Variants in LAMA1 observed in about 807,000 individuals in gnomAD.
The protein encoded by LAMA1 is laminin subunit alpha 1, also known as laminin subunit alpha-1.
Under a neutral mutation model 348.7 loss-of-function variants are expected in LAMA1, and 219 were observed. That is an observed-to-expected ratio of 0.63 (90% CI 0.56 to 0.70). LAMA1 has a LOEUF of 0.70. Among genes scored for constraint, LAMA1 ranks in the 30% least tolerant of loss-of-function variants. The pLI, the probability that LAMA1 is intolerant of heterozygous loss-of-function variation, is 0.00. For synonymous variants in LAMA1, 1,487 were observed against 1,491.0 expected, an observed-to-expected ratio of 1.00 and a Z score of 0.06; for missense variants, 3,744 against 3,888.0, an observed-to-expected ratio of 0.96 and a Z score of 0.99.
chr18:7,018,467 C>A (rs2057899757), intron 19 of LAMA1, among the ~76,000 whole-genome samples: 1 of 148,192 alleles, frequency 6.7e-6, no homozygotes, highest in South Asian at 2.2e-4. Context: ...GTGATCTCAG[C>A]TCACTGCAAG....
intron 14 of LAMA1, 67 bp from the exon 15 acceptor site, chr18:7,033,162 G>A: frequency 8.6e-7 from 1 of 1,167,736 alleles, no homozygotes; most frequent in Non-Finnish European, 1.2e-6. Context: ...CAATGAAGAT[G>A]GGCTCCTAAA....
intron 7 of LAMA1, 31 bp downstream of exon 7, chr18:7,044,691 G>GTACTGACCTTCAGATTCTAA: frequency 1.3e-6 from 2 of 1,535,056 alleles, no homozygotes; most frequent in South Asian, 2.2e-5. Context: ...GAGGAAAACT[G>GTACTGACCTTCAGATTCTAA]TACTGACCTT....
At chr18:7,057,687 C>T (rs2058087575) in intron 3 of LAMA1, among the ~76,000 whole-genome samples, 1 of 151,760 alleles carries the variant, frequency 6.6e-6, no homozygotes, top group South Asian at 2.1e-4. Context: ...CTATATTGCC[C>T]AGGCTGGTCT....
chr18:6,954,750 G>GACAC, intron 57 of LAMA1: 2 of 134,778 alleles, frequency 1.5e-5, no homozygotes, highest in South Asian at 1.8e-4. Flanking sequence ...ATGACAGGGT[G>GACAC]GCACAGCCAA....
chr18:7,002,201 T>G (rs944576296), intron 30 of LAMA1, 63 bp downstream of exon 30: 51 of 1,596,300 alleles, frequency 3.2e-5, no homozygotes, highest in Non-Finnish European at 3.9e-5. Flanking sequence ...CCCTTGAAAA[T>G]GAGGCTGAAC....
At chr18:6,978,406 A>G (rs752742834) in intron 42 of LAMA1, 28 bp from the exon 43 acceptor site, 17 of 1,585,206 alleles carry the variant, frequency 1.1e-5, no homozygotes, top group Admixed American at 5.0e-5. Flanking sequence ...AAAAGCATGC[A>G]CTTCTGGTGC....
intron 30 of LAMA1, among the ~76,000 whole-genome samples, chr18:7,001,177 T>C (rs1188534835): frequency 6.6e-6 from 1 of 152,210 alleles, no homozygotes; most frequent in Non-Finnish European, 1.5e-5. Flanking sequence ...CATATTCAAT[T>C]ACATACTTCA....
chr18:6,979,496 G>A (rs1305490288), intron 42 of LAMA1, among the ~76,000 whole-genome samples: 1 of 151,866 alleles, frequency 6.6e-6, no homozygotes, highest in African/African-American at 2.4e-5. Flanking sequence ...AGCAAGACAC[G>A]GTCTCTATAA....
intron 36 of LAMA1, among the ~76,000 whole-genome samples, chr18:6,988,958 G>A (rs988776083): frequency 6.6e-6 from 1 of 152,174 alleles, no homozygotes; most frequent in African/African-American, 2.4e-5. Context: ...TGAAAGGCCT[G>A]CTGGCGAGGT....
chr18:7,044,782 G>A lies in LAMA1; in HGVS notation c.916C>T (p.Pro306Ser). Residue 306 changes from proline to serine, a missense_variant, in exon 7 of 63, where the codon CCT becomes TCT. Pro to Ser is a moderately conservative substitution (Grantham distance 74, BLOSUM62 -1). Transcript: ENST00000389658. ...CTCCAGGGCTGCTGATGGTACCCAG[G>A]ACAGCACCTGTTACAGCTCTCCCCG... ...TCGESCNRCC[P>S]GYHQQPWRPG... 6.2e-7 allele frequency: 1 copy of A among 1,614,162 alleles called. No homozygotes were observed.
rs139912268 is a variant in LAMA1, at chr18:7,115,597, G to C, written c.61+2063C>G. On this transcript the variant is annotated intron_variant, in intron 1 of 62. Transcript: ENST00000389658. Reference sequence around the variant, plus strand: ...CAACTAACTAGCAGGTGATTTGCAGGTCAGGATTATTGACCAAAACACACA... The same window carrying C: ...CAACTAACTAGCAGGTGATTTGCAGCTCAGGATTATTGACCAAAACACACA... 4.1e-3 allele frequency among the ~76,000 whole-genome samples: 618 copies of C among 151,708 alleles called. 3 individuals carry two copies. Among genetic ancestry groups the C allele is most frequent in the African/African-American group, 0.014 (579 of 41,354 alleles).
At chr18:7,038,222 G>A (rs1450617407) in intron 11 of LAMA1, among the ~76,000 whole-genome samples, 2 of 152,128 alleles carry the variant, frequency 1.3e-5, no homozygotes, top group Non-Finnish European at 2.9e-5. Context: ...GGTGTCCACA[G>A]CAGTCACTGC....
At chr18:7,086,744 C>T (rs2058219121) in intron 1 of LAMA1, among the ~76,000 whole-genome samples, 1 of 152,182 alleles carries the variant, frequency 6.6e-6, no homozygotes, top group Non-Finnish European at 1.5e-5. Context: ...CACAGGCGCA[C>T]GGGACCGAGC....
At chr18:6,996,102 A>G (rs1430433830) in intron 33 of LAMA1, among the ~76,000 whole-genome samples, 2 of 152,178 alleles carry the variant, frequency 1.3e-5, no homozygotes, top group Non-Finnish European at 2.9e-5. Flanking sequence ...GATCGTGTAT[A>G]TAGTGATTGG....
intron 51 of LAMA1, among the ~76,000 whole-genome samples, chr18:6,962,530 C>A (rs1416986264): frequency 6.6e-6 from 1 of 152,136 alleles, no homozygotes; most frequent in Non-Finnish European, 1.5e-5. Flanking sequence ...ATAGTGAGAA[C>A]TTCAGGTCAA....
intron 16 of LAMA1, among the ~76,000 whole-genome samples, chr18:7,030,351 A>C (rs1379297829): frequency 6.6e-6 from 1 of 152,216 alleles, no homozygotes; most frequent in Non-Finnish European, 1.5e-5. Flanking sequence ...ATAGTCATGA[A>C]GGACAAGGAA....
At chr18:6,969,386 A>G (rs1386108105) in intron 48 of LAMA1, among the ~76,000 whole-genome samples, 1 of 152,096 alleles carries the variant, frequency 6.6e-6, no homozygotes, top group Admixed American at 6.5e-5. Flanking sequence ...AAATGCTGCA[A>G]CTCTAGCCTC....
At chr18:7,100,839 A>G (rs111525208) in intron 1 of LAMA1, among the ~76,000 whole-genome samples, 96 of 152,116 alleles carry the variant, frequency 6.3e-4, no homozygotes, top group Middle Eastern at 3.4e-3. Context: ...GTGAAACCCT[A>G]CCTCTACTAA....
At position 7,018,458 on chromosome 18, in the gene LAMA1, T is replaced by C. The variant is rs185058818; in HGVS notation, c.2702-1074A>G. Among the ~76,000 whole-genome samples, 547 of 145,964 alleles carry C rather than the reference T, an allele frequency of 3.7e-3. 15 individuals are homozygous for C. The highest frequency in any genetic ancestry group is 9.4e-4 in the Non-Finnish European group (63 of 66,740). ...TCACCCAGGCTGGAGTGCAGTGGCG[T>C]GATCTCAGCTCACTGCAAGCTCCGC... On this transcript the variant is annotated intron_variant, in intron 19 of 62. Coordinates refer to ENST00000389658, the MANE Select transcript of LAMA1 (RefSeq NM_005559.4).
Sources: gnomAD v4.1 joint callset for allele counts (sites outside exome capture counted in the v4.1 genomes callset) on GRCh38, gnomAD v4.1.1 for gene constraint, MANE v1.5 for transcripts, NCBI Gene and HGNC (gene_info 2026-07-23, HGNC 2026-07-21) for gene names.